SPOCK1: variants seen among roughly 807,000 people sequenced by gnomAD.
SPOCK1 encodes testican-1.
SPOCK1 carries 23 observed loss-of-function variants against 55.3 expected under a neutral mutation model. The observed-to-expected ratio is 0.42, with a 90% CI of 0.30 to 0.59. SPOCK1 has a LOEUF of 0.59. SPOCK1 is among the 20% of genes least tolerant of loss of function. SPOCK1 has a pLI of 0.22. For missense variants in SPOCK1, 499 were observed against 552.5 expected (o/e 0.90, Z 0.97); for synonymous variants, 226 against 221.0 (o/e 1.02, Z -0.20).
intron 5 of SPOCK1, among the ~76,000 whole-genome samples, chr5:137,079,534 C>T (rs867066902): frequency 4.1e-5 from 1 of 24,676 alleles, no homozygotes; most frequent in Non-Finnish European, 9.3e-5. Flanking sequence ...CCATCTGATT[C>T]CCCCCCCCCC....
At chr5:137,145,633 G>A (rs1227333952) in intron 3 of SPOCK1, among the ~76,000 whole-genome samples, 2 of 152,140 alleles carry the variant, frequency 1.3e-5, no homozygotes, top group East Asian at 3.8e-4. Context: ...CTTTCTGCAG[G>A]CTAAAGGTGA....
chr5:137,112,605 C>T lies in SPOCK1; in HGVS notation c.348-44G>A, dbSNP rs764619659. The T allele has an allele frequency of 4.4e-6, 7 of 1,589,438 alleles. No homozygotes were observed. In the African/African-American group the frequency reaches 9.6e-5, roughly 22 times the overall value. ...GGGATAAATTAGTTGAAGCTCCAGA[C>T]CCTATGAGTCTTTCCTCTAAGTTCC... On this transcript the variant is annotated intron_variant, in intron 4 of 10. Transcript: ENST00000394945.
chr5:137,336,604 G>C (rs1460723133), intron 2 of SPOCK1, among the ~76,000 whole-genome samples: 2 of 152,086 alleles, frequency 1.3e-5, no homozygotes, highest in African/African-American at 4.8e-5. Flanking sequence ...TGCTTTCTTG[G>C]CCCCCTTAAT....
chr5:137,326,192 A>T (rs1758073905), intron 2 of SPOCK1, among the ~76,000 whole-genome samples: 1 of 152,138 alleles, frequency 6.6e-6, no homozygotes, highest in Admixed American at 6.5e-5. Flanking sequence ...CCCGTACCAT[A>T]CACTGCACCC....
At chr5:137,385,513 A>G (rs960160074) in intron 2 of SPOCK1, among the ~76,000 whole-genome samples, 2 of 152,248 alleles carry the variant, frequency 1.3e-5, no homozygotes, top group African/African-American at 2.4e-5. Context: ...CCAAAACTAG[A>G]ATAATGATTC....
At position 137,070,223 on chromosome 5, in the gene SPOCK1, T is replaced by C. The variant is rs2348185; in HGVS notation, c.475-2394A>G. 5.7e-3 allele frequency among the ~76,000 whole-genome samples: 873 copies of C among 152,304 alleles called. 8 individuals are homozygous for C. Among genetic ancestry groups the C allele is most frequent in the African/African-American group, 0.02 (813 of 41,576 alleles). On this transcript the variant is annotated intron_variant, in intron 5 of 10. Transcript: ENST00000394945. ...CCCAGGACCCAGAAGGCAGAGAACATGGAACAGAGCTGAAGTGTTCTGAAC... is the reference window on the plus strand; with the variant it reads ...CCCAGGACCCAGAAGGCAGAGAACACGGAACAGAGCTGAAGTGTTCTGAAC...
At chr5:137,007,383 T>C (rs1751267921) in intron 6 of SPOCK1, among the ~76,000 whole-genome samples, 2 of 151,574 alleles carry the variant, frequency 1.3e-5, no homozygotes, top group South Asian at 4.2e-4. Context: ...GGGAGAAAAT[T>C]TTTGCAATCA....
At chr5:137,009,571 G>A (rs1751312945) in intron 6 of SPOCK1, among the ~76,000 whole-genome samples, 1 of 152,198 alleles carries the variant, frequency 6.6e-6, no homozygotes, top group Non-Finnish European at 1.5e-5. Flanking sequence ...GCAGTGCAGG[G>A]TAGTAGCCCT....
At chr5:137,350,537 C>T (rs1750655114) in intron 2 of SPOCK1, among the ~76,000 whole-genome samples, 1 of 152,102 alleles carries the variant, frequency 6.6e-6, no homozygotes, top group South Asian at 2.1e-4. Context: ...ATGTCTGGCA[C>T]CTGTAGGAGT....
At chr5:137,297,689 G>A (rs1290167959) in intron 2 of SPOCK1, among the ~76,000 whole-genome samples, 1 of 152,140 alleles carries the variant, frequency 6.6e-6, no homozygotes, top group Non-Finnish European at 1.5e-5. Flanking sequence ...CAGGAAGAAA[G>A]TAACGGAGAG....
chr5:137,027,237 T>G (rs1751695181), intron 6 of SPOCK1, among the ~76,000 whole-genome samples: 1 of 152,164 alleles, frequency 6.6e-6, no homozygotes, highest in Non-Finnish European at 1.5e-5. Flanking sequence ...AACTTGATTT[T>G]TTGTTAGGGG....
chr5:137,335,234 T>C (rs1430541336), intron 2 of SPOCK1, among the ~76,000 whole-genome samples: 1 of 152,186 alleles, frequency 6.6e-6, no homozygotes, highest in African/African-American at 2.4e-5. Context: ...GATGCATTCA[T>C]TGAGTAGTTA....
chr5:137,271,635 G>A (rs1364730705), intron 2 of SPOCK1, among the ~76,000 whole-genome samples: 3 of 151,970 alleles, frequency 2.0e-5, no homozygotes, highest in Non-Finnish European at 4.4e-5. Context: ...GCCCCAAAAT[G>A]ACTGATGCAA....
intron 5 of SPOCK1, among the ~76,000 whole-genome samples, chr5:137,101,947 A>T (rs772371182): frequency 6.6e-6 from 1 of 152,186 alleles, no homozygotes; most frequent in Non-Finnish European, 1.5e-5. Flanking sequence ...TGGGATAAAA[A>T]CTTGCCTTGC....
At chr5:137,458,480 C>T (rs1443524470) in intron 2 of SPOCK1, among the ~76,000 whole-genome samples, 1 of 152,152 alleles carries the variant, frequency 6.6e-6, no homozygotes, top group Non-Finnish European at 1.5e-5. Context: ...CCCCTAGATG[C>T]CTTAACTTTG....
chr5:137,467,858 T>A (rs562853921), intron 2 of SPOCK1, among the ~76,000 whole-genome samples: 1 of 152,298 alleles, frequency 6.6e-6, no homozygotes, highest in South Asian at 2.1e-4. Flanking sequence ...TAGAAACGTT[T>A]CTAATTGGCC....
At chr5:137,085,447 T>C (rs1322513278) in intron 5 of SPOCK1, among the ~76,000 whole-genome samples, 1 of 152,206 alleles carries the variant, frequency 6.6e-6, no homozygotes, top group South Asian at 2.1e-4. Flanking sequence ...AGAGAGCTTC[T>C]GGCCATGCCT....
chr5:137,275,576 C>T (rs1757050388), intron 2 of SPOCK1, among the ~76,000 whole-genome samples: 1 of 152,284 alleles, frequency 6.6e-6, no homozygotes, highest in Non-Finnish European at 1.5e-5. Flanking sequence ...TAATGTGCAG[C>T]CTCCATAGGA....
intron 2 of SPOCK1, among the ~76,000 whole-genome samples, chr5:137,339,390 C>T (rs146997161): frequency 2.0e-5 from 3 of 152,278 alleles, no homozygotes; most frequent in African/African-American, 4.8e-5. Context: ...CCAGAATGGC[C>T]GAAAGACATT....
Sources: allele counts gnomAD v4.1 joint callset (sites outside exome capture counted in the v4.1 genomes callset), GRCh38; gene constraint gnomAD v4.1.1; transcripts MANE v1.5; gene names NCBI Gene and HGNC (gene_info 2026-07-23, HGNC 2026-07-21).